SAMM50: variants seen among roughly 807,000 people sequenced by gnomAD.
SAMM50 encodes SAMM50 sorting and assembly machinery component.
Under a neutral mutation model 66.9 loss-of-function variants are expected in SAMM50, and 47 were observed. That is an observed-to-expected ratio of 0.70 (90% CI 0.56 to 0.90). The LOEUF is 0.90. Among genes scored for constraint, SAMM50 ranks in the 40% least tolerant of loss-of-function variants. SAMM50 has a pLI of 0.00. For synonymous variants in SAMM50, 191 were observed against 214.1 expected (o/e 0.89, Z 0.94); for missense variants, 535 against 595.3 (o/e 0.90, Z 1.05).
At chr22:43,972,601 T>C (rs1011577635) in intron 5 of SAMM50, among the ~76,000 whole-genome samples, 23 of 152,356 alleles carry the variant, frequency 1.5e-4, no homozygotes, top group African/African-American at 5.5e-4. Context: ...TTCAAATTCC[T>C]TTAAACTCTA....
chr22:43,985,037 A>T (rs1299249863), intron 12 of SAMM50, among the ~76,000 whole-genome samples: 2 of 152,002 alleles, frequency 1.3e-5, no homozygotes, highest in Non-Finnish European at 2.9e-5. Flanking sequence ...ATTTCATATT[A>T]TTGACATCCT....
chr22:43,957,390 G>GAAA, intron 1 of SAMM50: 4 of 373,712 alleles, frequency 1.1e-5, no homozygotes, highest in Non-Finnish European at 1.5e-5. Context: ...TTGTGCTCTT[G>GAAA]AAAAAAAAAA....
chr22:43,968,688 C>T (rs762785897), intron 3 of SAMM50, 43 bp from the exon 4 acceptor site: 11 of 1,363,558 alleles, frequency 8.1e-6, no homozygotes, highest in Admixed American at 1.7e-5. Context: ...GTTTCTGTAT[C>T]GTAGAAGAAT....
At position 43,989,141 on chromosome 22, in the gene SAMM50, C is replaced by G; in HGVS notation, c.1106C>G (p.Ala369Gly). The change falls in exon 13 of 15, where the codon GCC (alanine) becomes GGC (glycine). Residue 369 changes from alanine to glycine, a missense_variant. Transcript: ENST00000350028. The stretch of plus-strand genomic sequence containing the variant: ...TACCTAGGTGGAGAAGCGTACTGGG[C>G]CGGCGGCCTGCACCTCTACACCCCA... ...GDYLGGEAYW[A>G]GGLHLYTPLP... 1 of 1,614,112 alleles carries G rather than the reference C, an allele frequency of 6.2e-7. No individual in the cohort carries two copies. The highest frequency in any genetic ancestry group is 1.1e-5 in the South Asian group (1 of 91,076).
chr22:43,976,323 C>T (rs1432296418), intron 8 of SAMM50, 140 bp downstream of exon 8: 3 of 954,456 alleles, frequency 3.1e-6, no homozygotes, highest in Non-Finnish European at 4.7e-6. Context: ...CCCCCACTCC[C>T]CGAGGGCTTG....
intron 1 of SAMM50, among the ~76,000 whole-genome samples, chr22:43,955,962 C>T (rs939201504): frequency 2.0e-5 from 3 of 152,220 alleles, no homozygotes; most frequent in African/African-American, 7.2e-5. Flanking sequence ...TCAGCCGCTG[C>T]TGGAGCCATT....
chr22:43,959,935 G>A (rs1053930517), intron 1 of SAMM50, among the ~76,000 whole-genome samples: 1 of 152,120 alleles, frequency 6.6e-6, no homozygotes, highest in South Asian at 2.1e-4. Flanking sequence ...TGTATGAATA[G>A]GTATAAGAGG....
chr22:43,986,474 C>G (rs1055914384), intron 12 of SAMM50: 1 of 152,192 alleles, frequency 6.6e-6, no homozygotes, highest in African/African-American at 2.4e-5. Flanking sequence ...AGAGGTATCT[C>G]CACATGCTAT....
intron 1 of SAMM50, among the ~76,000 whole-genome samples, chr22:43,956,770 G>C (rs906161559): frequency 1.2e-4 from 18 of 152,198 alleles, no homozygotes; most frequent in East Asian, 1.9e-4. Flanking sequence ...CCGTTCCTCT[G>C]TTGCGGGGAG....
At chr22:43,995,694 G>A (rs974632117) in intron 14 of SAMM50, among the ~76,000 whole-genome samples, 4 of 152,226 alleles carry the variant, frequency 2.6e-5, no homozygotes, top group East Asian at 1.9e-4. Context: ...CTTCTCAGCC[G>A]TGTGACTGGA....
At chr22:43,973,452 C>A in intron 7 of SAMM50, 129 bp downstream of exon 7, 1 of 617,774 alleles carries the variant, frequency 1.6e-6, no homozygotes, top group Admixed American at 2.4e-5. Context: ...CAGGTACCTC[C>A]TGGCCAGGTG....
At chr22:43,959,355 A>G (rs1340483181) in intron 1 of SAMM50, among the ~76,000 whole-genome samples, 1 of 151,918 alleles carries the variant, frequency 6.6e-6, no homozygotes, top group African/African-American at 2.4e-5. Context: ...AGTCTATCTC[A>G]CTTTAAAGAT....
At position 43,955,507 on chromosome 22, in the gene SAMM50, C is replaced by T. The variant is rs777130570; in HGVS notation, c.-71C>T. ...TGCAGCTCCGCCACCGCGGACCCGC[C>T]TTCTGCCCTCAGCAGCAGACGCTCT... On this transcript the variant is annotated 5_prime_UTR_variant, in exon 1 of 15. Coordinates refer to ENST00000350028, the MANE Select transcript of SAMM50 (RefSeq NM_015380.5). The T allele has an allele frequency of 2.7e-5, 42 of 1,547,526 alleles. No individual in the cohort carries two copies. Among genetic ancestry groups the T allele is most frequent in the Non-Finnish European group, 3.5e-5 (40 of 1,141,420 alleles).
At chr22:43,992,336 C>A (rs966240648) in intron 14 of SAMM50, among the ~76,000 whole-genome samples, 2 of 152,254 alleles carry the variant, frequency 1.3e-5, no homozygotes, top group African/African-American at 4.8e-5. Flanking sequence ...TCCTTACACT[C>A]TTGCCAGAAG....
At position 43,955,526 on chromosome 22, in the gene SAMM50, A is replaced by C; in HGVS notation, c.-52A>C. ...ACCCGCCTTCTGCCCTCAGCAGCAG[A>C]CGCTCTGTCCCGCCCGGGCAGCTCT... On this transcript the variant is annotated 5_prime_UTR_variant, in exon 1 of 15. Transcript: ENST00000350028. 1 of 1,578,138 alleles carries C rather than the reference A, an allele frequency of 6.3e-7. No individual in the cohort carries two copies. The highest frequency in any genetic ancestry group is 8.6e-7 in the Non-Finnish European group (1 of 1,162,100).
intron 11 of SAMM50, among the ~76,000 whole-genome samples, chr22:43,982,160 G>A (rs571142808): frequency 1.9e-4 from 29 of 152,126 alleles, no homozygotes; most frequent in Non-Finnish European, 3.8e-4. Context: ...TTTTTGGATG[G>A]TGGTTTGGAA....
In SAMM50 at chr22:43,976,941, T is replaced by C. The variant is rs58566860; in HGVS notation, c.849+120T>C. On this transcript the variant is annotated intron_variant, in intron 9 of 14. Transcript: ENST00000350028. ...GGCAGTCCCACAGAGTAATCGCACATGCAGTATCGCTTTTGAAGGTCGCCA... is the reference window on the plus strand; with the variant it reads ...GGCAGTCCCACAGAGTAATCGCACACGCAGTATCGCTTTTGAAGGTCGCCA... 8.1e-3 allele frequency: 5,139 copies of C among 631,134 alleles called. 224 individuals are homozygous for C. The African/African-American group carries it at 0.088, about 11-fold the overall frequency. The allele number at this position is 631,134 out of a possible 1,614,324, so 39.1% of individuals were successfully genotyped here.
At chr22:43,968,226 CAAAAAAAAAAAAA>C (rs66961907) in intron 3 of SAMM50, among the ~76,000 whole-genome samples, 1 of 68,648 alleles carries the variant, frequency 1.5e-5, no homozygotes, top group Admixed American at 2.0e-4. Context: ...AACTCTGTCT[CAAAAAAAAAAAAA>C]AAAAAAAAGA....
Position 43,976,102 on chromosome 22 carries a change from G to T in SAMM50, c.696G>T (p.Trp232Cys). 5 of 1,613,130 alleles carry T rather than the reference G, an allele frequency of 3.1e-6. No homozygotes were observed. The highest frequency in any genetic ancestry group is 4.2e-6 in the Non-Finnish European group (5 of 1,179,102). Residue 232 changes from tryptophan to cysteine, a missense_variant, in exon 8 of 15, where the codon TGG (tryptophan) becomes TGT (cysteine). Transcript: ENST00000350028. ...TSHTVKWEGV[W>C]RELGCLSRTA... ...ACACTGTCAAGTGGGAAGGCGTATG[G>T]CGAGAACTGGGCTGCCTCTCAAGGA...
Sources: gnomAD v4.1 joint callset for allele counts (sites outside exome capture counted in the v4.1 genomes callset) on GRCh38, gnomAD v4.1.1 for gene constraint, MANE v1.5 for transcripts, NCBI Gene and HGNC (gene_info 2026-07-23, HGNC 2026-07-21) for gene names.